NAALADL2: variants seen among roughly 807,000 people sequenced by gnomAD.
NAALADL2 encodes the protein inactive N-acetylated-alpha-linked acidic dipeptidase-like protein 2.
In NAALADL2, 76 loss-of-function variants were observed where a neutral mutation model predicts 87.2. That is an observed-to-expected ratio of 0.87 (90% CI 0.72 to 1.05). NAALADL2 has a LOEUF of 1.05. Among genes scored for constraint, NAALADL2 ranks in the 50% least tolerant of loss-of-function variants. NAALADL2 has a pLI of 0.00. For synonymous variants in NAALADL2, 354 were observed against 331.0 expected (o/e 1.07, Z -0.75); for missense variants, 1,089 against 945.8 (o/e 1.15, Z -1.99).
At chr3:174,697,688 C>A (rs932800882) in intron 2 of NAALADL2, among the ~76,000 whole-genome samples, 2 of 152,126 alleles carry the variant, frequency 1.3e-5, no homozygotes, top group African/African-American at 4.8e-5. Flanking sequence ...TACAATGCAT[C>A]ATGGCCCCTA....
chr3:175,357,619 A>T (rs1309836146), intron 5 of NAALADL2, among the ~76,000 whole-genome samples: 10 of 152,168 alleles, frequency 6.6e-5, no homozygotes, highest in Admixed American at 6.6e-4. Flanking sequence ...CAAATTTCTA[A>T]TACAATATAT....
chr3:175,570,798 T>C (rs982147010), intron 9 of NAALADL2, among the ~76,000 whole-genome samples: 1 of 147,944 alleles, frequency 6.8e-6, no homozygotes, highest in East Asian at 2.0e-4. Context: ...GAGAATGGCG[T>C]GAACCCAGGG....
chr3:174,712,142 C>G (rs1307418485), intron 2 of NAALADL2, among the ~76,000 whole-genome samples: 1 of 152,018 alleles, frequency 6.6e-6, no homozygotes, highest in Non-Finnish European at 1.5e-5. Flanking sequence ...CCCTTGTCCC[C>G]AAACATAAAC....
chr3:175,311,003 G>A (rs9838649), intron 4 of NAALADL2, among the ~76,000 whole-genome samples: 3 of 151,562 alleles, frequency 2.0e-5, no homozygotes, highest in Non-Finnish European at 4.4e-5. Context: ...TGTTTCCCCC[G>A]CAATATTGGC....
At chr3:174,735,714 C>T (rs1277218027) in intron 2 of NAALADL2, among the ~76,000 whole-genome samples, 1 of 152,126 alleles carries the variant, frequency 6.6e-6, no homozygotes. Context: ...CATGCACCAT[C>T]ATGCCCAGCT....
At chr3:174,681,576 A>G (rs771295945) in intron 2 of NAALADL2, among the ~76,000 whole-genome samples, 5 of 152,136 alleles carry the variant, frequency 3.3e-5, no homozygotes, top group African/African-American at 4.8e-5. Flanking sequence ...ACATTTCTGG[A>G]CACACACTGG....
At chr3:174,816,343 T>C (rs1720801585) in intron 3 of NAALADL2, among the ~76,000 whole-genome samples, 1 of 151,358 alleles carries the variant, frequency 6.6e-6, no homozygotes, top group Admixed American at 6.6e-5. Flanking sequence ...GAATTTTATG[T>C]GGATTTGTGC....
chr3:175,669,469 T>A (rs1046323673), intron 11 of NAALADL2, among the ~76,000 whole-genome samples: 1 of 152,058 alleles, frequency 6.6e-6, no homozygotes, highest in East Asian at 1.9e-4. Flanking sequence ...GAAGAAAAAA[T>A]TTGTTTTCAA....
intron 13 of NAALADL2, among the ~76,000 whole-genome samples, chr3:175,788,496 T>G (rs1382897465): frequency 2.6e-5 from 4 of 152,176 alleles, no homozygotes; most frequent in Non-Finnish European, 4.4e-5. Flanking sequence ...CAGTATTCAG[T>G]ACAGTGCAGG....
chr3:175,174,816 A>G (rs1413442997), intron 2 of NAALADL2, among the ~76,000 whole-genome samples: 2 of 131,110 alleles, frequency 1.5e-5, no homozygotes, highest in African/African-American at 2.7e-5. Flanking sequence ...TGTGCGCTAT[A>G]TATGTATACA....
At chr3:175,043,179 C>A (rs1261845227) in intron 1 of NAALADL2, among the ~76,000 whole-genome samples, 1 of 152,146 alleles carries the variant, frequency 6.6e-6, no homozygotes, top group African/African-American at 2.4e-5. Flanking sequence ...CAGACTAACA[C>A]AAAGTCCTTT....
intron 9 of NAALADL2, among the ~76,000 whole-genome samples, chr3:175,506,250 T>C (rs1730292500): frequency 6.6e-6 from 1 of 152,242 alleles, no homozygotes; most frequent in African/African-American, 2.4e-5. Context: ...TTCTGCAGTA[T>C]GTGCCATGTA....
chr3:174,960,607 T>C (rs1741833192), intron 1 of NAALADL2, among the ~76,000 whole-genome samples: 1 of 152,044 alleles, frequency 6.6e-6, no homozygotes, highest in Admixed American at 6.6e-5. Flanking sequence ...TTCATCTAGA[T>C]ATCGATAGCT....
At chr3:174,820,620 T>C (rs746405317) in intron 3 of NAALADL2, among the ~76,000 whole-genome samples, 1 of 152,096 alleles carries the variant, frequency 6.6e-6, no homozygotes, top group Admixed American at 6.6e-5. Flanking sequence ...TTTTGTGATA[T>C]ATAATTAATG....
chr3:175,488,279 AC>A (rs1727596987), intron 9 of NAALADL2, among the ~76,000 whole-genome samples: 1 of 152,222 alleles, frequency 6.6e-6, no homozygotes, highest in South Asian at 2.1e-4. Flanking sequence ...TAGTTTGAAG[AC>A]CTAGACCTTT....
intron 2 of NAALADL2, among the ~76,000 whole-genome samples, chr3:174,583,756 T>C (rs542525798): frequency 5.8e-4 from 89 of 152,284 alleles, no homozygotes; most frequent in African/African-American, 2.1e-3. Context: ...CCCTCTTTAT[T>C]TGAATGTTTG....
At chr3:174,720,691 A>C (rs1731634025) in intron 2 of NAALADL2, among the ~76,000 whole-genome samples, 1 of 152,212 alleles carries the variant, frequency 6.6e-6, no homozygotes, top group South Asian at 2.1e-4. Context: ...TTGGGAATGC[A>C]GATGGGACAG....
chr3:174,490,469 T>G (rs1718111780), intron 1 of NAALADL2, among the ~76,000 whole-genome samples: 1 of 152,080 alleles, frequency 6.6e-6, no homozygotes, highest in Non-Finnish European at 1.5e-5. Context: ...GTTTTAAAAT[T>G]GTGATGATTT....
chr3:175,082,093 C>T (rs576318548), intron 1 of NAALADL2, among the ~76,000 whole-genome samples: 12 of 151,972 alleles, frequency 7.9e-5, no homozygotes, highest in South Asian at 2.1e-4. Flanking sequence ...CAATAAGTGA[C>T]GGAATCTTCA....
Sources: allele counts gnomAD v4.1 joint callset (sites outside exome capture counted in the v4.1 genomes callset), GRCh38; gene constraint gnomAD v4.1.1; transcripts MANE v1.5; gene names NCBI Gene and HGNC (gene_info 2026-07-23, HGNC 2026-07-21).